The following ARHGEF33 variants were observed in gnomAD, a reference collection of about 807,000 sequenced individuals.
ARHGEF33 encodes the protein DH and coiled-coil domain-containing protein ENSP00000381780.
ARHGEF33 carries 72 observed loss-of-function variants against 101.9 expected under a neutral mutation model. The observed-to-expected ratio is 0.71, with a 90% confidence interval of 0.58 to 0.86. ARHGEF33 has a LOEUF of 0.86. Among genes scored for constraint, ARHGEF33 ranks in the 40% least tolerant of loss-of-function variants. The pLI, the probability that ARHGEF33 is intolerant of heterozygous loss-of-function variation, is 0.00. For synonymous variants in ARHGEF33, 499 were observed against 442.5 expected (o/e 1.13, Z -1.60); for missense variants, 1,169 against 1,111.3 (o/e 1.05, Z -0.74).
chr2:38,916,307 C>T (rs1195580654), intron 2 of ARHGEF33, among the ~76,000 whole-genome samples: 1 of 152,164 alleles, frequency 6.6e-6, no homozygotes, highest in Non-Finnish European at 1.5e-5. Flanking sequence ...GTTTTTAAAG[C>T]CGGATGGCTT....
At chr2:38,939,061 C>T (rs181105185) in intron 9 of ARHGEF33, among the ~76,000 whole-genome samples, 138 of 152,276 alleles carry the variant, frequency 9.1e-4, no homozygotes, top group Non-Finnish European at 1.5e-3. Flanking sequence ...CAACATCTGC[C>T]TCCCAGGCTC....
At chr2:38,893,731 A>C (rs1208041628) in intron 1 of ARHGEF33, among the ~76,000 whole-genome samples, 1 of 152,152 alleles carries the variant, frequency 6.6e-6, no homozygotes, top group Non-Finnish European at 1.5e-5. Context: ...TATGTGGTAT[A>C]TGCTTATTAA....
intron 6 of ARHGEF33, among the ~76,000 whole-genome samples, chr2:38,930,089 G>T (rs919462576): frequency 2.0e-5 from 3 of 152,176 alleles, no homozygotes; most frequent in Non-Finnish European, 4.4e-5. Flanking sequence ...GATTACAAGT[G>T]TAAAAATATG....
chr2:38,920,769 A>G (rs968302965), intron 3 of ARHGEF33, among the ~76,000 whole-genome samples: 1 of 152,096 alleles, frequency 6.6e-6, no homozygotes, highest in Non-Finnish European at 1.5e-5. Context: ...CTCGAAGTCT[A>G]GTATTATACA....
intron 3 of ARHGEF33, among the ~76,000 whole-genome samples, chr2:38,920,781 T>C (rs527819500): frequency 6.6e-6 from 1 of 152,284 alleles, no homozygotes; most frequent in Non-Finnish European, 1.5e-5. Flanking sequence ...TATTATACAT[T>C]ACTGTTTTCT....
intron 15 of ARHGEF33, among the ~76,000 whole-genome samples, chr2:38,958,632 CAT>C (rs1267715400): frequency 2.0e-5 from 3 of 152,242 alleles, no homozygotes; most frequent in Admixed American, 1.3e-4. Flanking sequence ...CACTCTTTCA[CAT>C]GTTAACGTGA....
rs1180659181 is a variant in ARHGEF33, at chr2:38,960,390, G to A, written c.2085G>A (p.Ala695=). 1.2e-5 allele frequency: 18 copies of A among 1,510,230 alleles called. No individual in the cohort carries two copies. The highest frequency in any genetic ancestry group is 1.6e-5 in the Non-Finnish European group (18 of 1,135,512). 93.6% of individuals were successfully genotyped at this position (1,510,230 alleles called of 1,614,324 possible). Residue 695 remains alanine (A), a synonymous_variant, in exon 16 of 18, where the codon GCG becomes GCA. Transcript: ENST00000409978. ...GSSSAYKLEA[A]AQAHGKAKPL... ...GCAGCGCCTACAAACTGGAGGCGGC[G>A]GCGCAGGCGCACGGCAAGGCCAAGC... is the stretch of plus-strand genomic sequence containing the variant.
chr2:38,921,108 A>C (rs1422423533), intron 3 of ARHGEF33, among the ~76,000 whole-genome samples: 1 of 152,180 alleles, frequency 6.6e-6, no homozygotes, highest in African/African-American at 2.4e-5. Flanking sequence ...CACATCATTC[A>C]GTTTGGTTGA....
At chr2:38,891,436 C>G (rs188212558) in intron 1 of ARHGEF33, among the ~76,000 whole-genome samples, 10 of 151,640 alleles carry the variant, frequency 6.6e-5, no homozygotes, top group Admixed American at 2.0e-4. Flanking sequence ...GACAGCAGTT[C>G]TTAACCTTTT....
intron 2 of ARHGEF33, among the ~76,000 whole-genome samples, chr2:38,904,885 T>C (rs1314775258): frequency 1.3e-5 from 2 of 152,162 alleles, no homozygotes; most frequent in East Asian, 3.8e-4. Context: ...CAGTCAGGGC[T>C]GATCCAAAGA....
chr2:38,933,087 C>T (rs1488714368), intron 7 of ARHGEF33, among the ~76,000 whole-genome samples: 4 of 152,226 alleles, frequency 2.6e-5, no homozygotes, highest in African/African-American at 9.7e-5. Flanking sequence ...AGCAAACATT[C>T]ATGGTTCACA....
At chr2:38,949,555 A>G (rs1385637703) in intron 10 of ARHGEF33, among the ~76,000 whole-genome samples, 1 of 151,998 alleles carries the variant, frequency 6.6e-6, no homozygotes, top group Non-Finnish European at 1.5e-5. Context: ...GAAAAAGGGA[A>G]AAAAAAGAAA....
intron 16 of ARHGEF33, among the ~76,000 whole-genome samples, 177 bp from the exon 17 acceptor site, chr2:38,965,829 C>G (rs936392485): frequency 1.2e-4 from 18 of 152,168 alleles, no homozygotes; most frequent in African/African-American, 4.3e-4. Context: ...AAATTATCCT[C>G]TTTTCGCCTG....
chr2:38,961,715 G>A (rs1237742233), intron 16 of ARHGEF33, among the ~76,000 whole-genome samples: 3 of 152,064 alleles, frequency 2.0e-5, no homozygotes, highest in Non-Finnish European at 4.4e-5. Context: ...CACTGGCTTA[G>A]TACAGGAAGG....
chr2:38,942,086 T>A (rs1479448638), intron 9 of ARHGEF33, among the ~76,000 whole-genome samples: 1 of 151,872 alleles, frequency 6.6e-6, no homozygotes, highest in Non-Finnish European at 1.5e-5. Context: ...TTCTACTAAT[T>A]TGATGTTGGA....
intron 9 of ARHGEF33, among the ~76,000 whole-genome samples, chr2:38,942,358 G>A (rs969827101): frequency 2.0e-5 from 3 of 150,984 alleles, no homozygotes; most frequent in Non-Finnish European, 4.4e-5. Context: ...GTAGAGATGG[G>A]GTTTCACCAT....
At chr2:38,910,477 G>A (rs1666485474) in intron 2 of ARHGEF33, among the ~76,000 whole-genome samples, 2 of 152,126 alleles carry the variant, frequency 1.3e-5, no homozygotes, top group African/African-American at 4.8e-5. Flanking sequence ...GGAGGCTGAG[G>A]CAGAATTGCT....
intron 2 of ARHGEF33, among the ~76,000 whole-genome samples, chr2:38,912,954 A>G (rs1281469993): frequency 1.3e-5 from 2 of 152,204 alleles, no homozygotes; most frequent in Non-Finnish European, 2.9e-5. Flanking sequence ...TTTGGCATAT[A>G]GCAGCTGTTC....
chr2:38,942,922 A>T (rs1192692599), intron 9 of ARHGEF33, among the ~76,000 whole-genome samples: 1 of 152,084 alleles, frequency 6.6e-6, no homozygotes, highest in Non-Finnish European at 1.5e-5. Context: ...TTAACTTTTG[A>T]TAATTGACCT....
Sources: allele counts gnomAD v4.1 joint callset (sites outside exome capture counted in the v4.1 genomes callset), GRCh38; gene constraint gnomAD v4.1.1; transcripts MANE v1.5; gene names NCBI Gene and HGNC (gene_info 2026-07-23, HGNC 2026-07-21).